AGBL1: variants seen among roughly 807,000 people sequenced by gnomAD.
The protein encoded by AGBL1 is cytosolic carboxypeptidase 4.
In AGBL1, 130 loss-of-function variants were observed where a neutral mutation model predicts 118.9. The ratio of observed to expected loss-of-function variants is 1.09; its 90% CI spans 0.95 to 1.26. The LOEUF is 1.26. Ranked by LOEUF, AGBL1 falls within the 50% of genes most tolerant of loss-of-function variation. The pLI is 0.00. For synonymous variants in AGBL1, 555 were observed against 478.9 expected (o/e 1.16, Z -2.08); for missense variants, 1,584 against 1,298.1 (o/e 1.22, Z -3.38).
At chr15:86,885,468 A>T (rs146449070) in intron 22 of AGBL1, among the ~76,000 whole-genome samples, 4 of 152,280 alleles carry the variant, frequency 2.6e-5, no homozygotes, top group African/African-American at 9.6e-5. Context: ...TACGTTGATT[A>T]TTTACCTACT....
At chr15:86,286,695 A>ATATG (rs1287382468) in intron 16 of AGBL1, among the ~76,000 whole-genome samples, 1 of 120,054 alleles carries the variant, frequency 8.3e-6, no homozygotes, top group African/African-American at 3.4e-5. Context: ...GTATATATAT[A>ATATG]TGTGTGTGTG....
chr15:86,444,086 T>TC (rs1375803142), intron 18 of AGBL1, among the ~76,000 whole-genome samples: 6 of 152,178 alleles, frequency 3.9e-5, no homozygotes, highest in Admixed American at 2.6e-4. Flanking sequence ...GTACCAGCAT[T>TC]CCCCTTTCTC....
At chr15:86,504,445 A>G (rs1446472990) in intron 18 of AGBL1, among the ~76,000 whole-genome samples, 1 of 151,280 alleles carries the variant, frequency 6.6e-6, no homozygotes, top group Non-Finnish European at 1.5e-5. Context: ...TATGTATGTC[A>G]TTTTGCTATC....
At chr15:86,114,700 A>G (rs1897645955) in intron 1 of AGBL1, among the ~76,000 whole-genome samples, 1 of 152,178 alleles carries the variant, frequency 6.6e-6, no homozygotes, top group Admixed American at 6.5e-5. Flanking sequence ...GGTTCCACAT[A>G]GCAGAATGTG....
chr15:86,418,610 T>G (rs1190696784), intron 18 of AGBL1, among the ~76,000 whole-genome samples: 1 of 152,182 alleles, frequency 6.6e-6, no homozygotes, highest in East Asian at 1.9e-4. Flanking sequence ...AATGGAGACA[T>G]ATTTGCTCAT....
chr15:86,407,556 G>C (rs1330009235), intron 18 of AGBL1, among the ~76,000 whole-genome samples: 1 of 152,146 alleles, frequency 6.6e-6, no homozygotes, highest in East Asian at 1.9e-4. Flanking sequence ...GAACAGAAAG[G>C]CTTCTAAAAT....
intron 16 of AGBL1, among the ~76,000 whole-genome samples, chr15:86,293,717 C>T (rs1462241509): frequency 6.6e-6 from 1 of 152,120 alleles, no homozygotes; most frequent in Non-Finnish European, 1.5e-5. Flanking sequence ...GTAAATACTT[C>T]CTCTACCTTT....
chr15:86,202,566 A>G (rs2077924656), intron 5 of AGBL1, among the ~76,000 whole-genome samples: 1 of 152,236 alleles, frequency 6.6e-6, no homozygotes, highest in African/African-American at 2.4e-5. Context: ...CACCTGCCAC[A>G]TTGCAAGTAC....
At chr15:86,370,712 C>G (rs1414619142) in intron 17 of AGBL1, among the ~76,000 whole-genome samples, 1 of 152,218 alleles carries the variant, frequency 6.6e-6, no homozygotes, top group East Asian at 1.9e-4. Flanking sequence ...TGGCACATCT[C>G]CATCTTTCTT....
chr15:86,340,294 G>GC (rs34405404), intron 17 of AGBL1, among the ~76,000 whole-genome samples: 2,719 of 149,294 alleles, frequency 0.018, 49 homozygotes, highest in African/African-American at 0.049. Flanking sequence ...TGCCTCCACT[G>GC]CCCCCCCCCC....
intron 3 of AGBL1, among the ~76,000 whole-genome samples, chr15:86,144,609 T>A (rs928321674): frequency 6.6e-6 from 1 of 152,086 alleles, no homozygotes; most frequent in Non-Finnish European, 1.5e-5. Context: ...GGGAGCTAAA[T>A]GATGAGAACA....
intron 21 of AGBL1, among the ~76,000 whole-genome samples, chr15:86,654,532 G>A (rs576563658): frequency 3.3e-5 from 5 of 152,238 alleles, no homozygotes; most frequent in South Asian, 2.1e-4. Flanking sequence ...TTAATAGTTA[G>A]TGTCCATTAG....
At chr15:86,396,209 G>T (rs570945537) in intron 17 of AGBL1, among the ~76,000 whole-genome samples, 1 of 133,884 alleles carries the variant, frequency 7.5e-6, no homozygotes, top group Admixed American at 7.6e-5. Context: ...AATCATATAC[G>T]TGTGTGTGTA....
chr15:86,804,700 T>C (rs763916072), intron 22 of AGBL1, among the ~76,000 whole-genome samples: 15 of 152,134 alleles, frequency 9.9e-5, no homozygotes, highest in Admixed American at 9.8e-4. Context: ...GCTATATCAC[T>C]ATTCTTGGGG....
intron 21 of AGBL1, among the ~76,000 whole-genome samples, chr15:86,628,390 A>G (rs2084918775): frequency 6.6e-6 from 1 of 152,100 alleles, no homozygotes; most frequent in Non-Finnish European, 1.5e-5. Context: ...CTCTCTGCCT[A>G]TTTTCTCATA....
intron 22 of AGBL1, among the ~76,000 whole-genome samples, chr15:86,676,031 C>T (rs1284594429): frequency 2.0e-5 from 3 of 152,134 alleles, no homozygotes; most frequent in Non-Finnish European, 4.4e-5. Flanking sequence ...TTATTTGCCT[C>T]CACCCTTCCA....
chr15:86,448,893 T>C (rs28504987), intron 18 of AGBL1, among the ~76,000 whole-genome samples: 7,497 of 152,256 alleles, frequency 0.049, 239 homozygotes, highest in Middle Eastern at 0.11. Flanking sequence ...ATATAATTCT[T>C]TCAGTTTCAA....
At chr15:86,147,293 C>A (rs1275543764) in intron 3 of AGBL1, among the ~76,000 whole-genome samples, 1 of 152,214 alleles carries the variant, frequency 6.6e-6, no homozygotes, top group African/African-American at 2.4e-5. Flanking sequence ...GGAGGGCAAG[C>A]TGAAGCAGGG....
intron 22 of AGBL1, among the ~76,000 whole-genome samples, chr15:86,837,508 A>G (rs2141429242): frequency 6.6e-6 from 1 of 152,322 alleles, no homozygotes; most frequent in Middle Eastern, 3.4e-3. Flanking sequence ...TTGTGTCAAA[A>G]AGGCAGAGCT....
Sources: gnomAD v4.1 joint callset for allele counts (sites outside exome capture counted in the v4.1 genomes callset) on GRCh38, gnomAD v4.1.1 for gene constraint, MANE v1.5 for transcripts, NCBI Gene and HGNC (gene_info 2026-07-23, HGNC 2026-07-21) for gene names.